RAB38: variants seen among roughly 807,000 people sequenced by gnomAD.
RAB38 encodes the protein ras-related protein Rab-38.
In RAB38, 15 loss-of-function variants were observed where a neutral mutation model predicts 18.4. The observed-to-expected ratio is 0.82, with a 90% CI of 0.55 to 1.26. The LOEUF is 1.26. RAB38 is among the 50% of genes most tolerant of loss of function. RAB38 has a pLI of 0.00. For missense variants in RAB38, 294 were observed against 267.4 expected, an observed-to-expected ratio of 1.10 and a Z score of -0.69; for synonymous variants, 101 against 104.4, an observed-to-expected ratio of 0.97 and a Z score of 0.20.
chr11:88,043,107 A>G, the RAB38 span, among the ~76,000 whole-genome samples: 1 of 152,188 alleles, frequency 6.6e-6, no homozygotes, highest in Non-Finnish European at 1.5e-5. Flanking sequence ...CTCTCTAAAG[A>G]GATCAGAAAT....
the RAB38 span, among the ~76,000 whole-genome samples, chr11:87,890,334 A>G: frequency 5.9e-5 from 9 of 151,886 alleles, no homozygotes; most frequent in Middle Eastern, 6.8e-3. Flanking sequence ...ATTACTTTCA[A>G]CCTCTGTTTC....
chr11:87,947,959 G>C, the RAB38 span, among the ~76,000 whole-genome samples: 1 of 152,120 alleles, frequency 6.6e-6, no homozygotes, highest in Admixed American at 6.5e-5. Flanking sequence ...GATGGGGATG[G>C]CAGTGAATCT....
chr11:87,833,282 T>TA, the RAB38 span, among the ~76,000 whole-genome samples: 1 of 152,196 alleles, frequency 6.6e-6, no homozygotes, highest in Non-Finnish European at 1.5e-5. Flanking sequence ...CAGGCTGAAG[T>TA]AACAATAACC....
the RAB38 span, among the ~76,000 whole-genome samples, chr11:87,976,653 AAT>A: frequency 0.53 from 55,182 of 104,938 alleles, 14,044 homozygotes; most frequent in East Asian, 0.66. Flanking sequence ...ATGATATATA[AAT>A]ATATATAATT....
chr11:88,025,306 T>C, the RAB38 span, among the ~76,000 whole-genome samples: 579 of 145,608 alleles, frequency 4.0e-3, 2 homozygotes, highest in African/African-American at 0.016. Flanking sequence ...CTTGATTACA[T>C]GTCTTTGCTA....
At chr11:88,011,246 T>G in the RAB38 span, among the ~76,000 whole-genome samples, 1 of 152,230 alleles carries the variant, frequency 6.6e-6, no homozygotes, top group South Asian at 2.1e-4. Flanking sequence ...TTAACAACTA[T>G]TTATTGAGCA....
chr11:87,977,872 T>C, the RAB38 span, among the ~76,000 whole-genome samples: 7 of 111,472 alleles, frequency 6.3e-5, no homozygotes, highest in Non-Finnish European at 1.0e-4. Flanking sequence ...CTTACAAATA[T>C]ATATAAAGAT....
the RAB38 span, among the ~76,000 whole-genome samples, chr11:87,893,371 C>CATATATATATATATGTATATAT: frequency 2.4e-3 from 209 of 86,406 alleles, no homozygotes; most frequent in African/African-American, 8.5e-3. Flanking sequence ...ATATATTTTA[C>CATATATATATATATGTATATAT]ATATATATAT....
intron 1 of RAB38, among the ~76,000 whole-genome samples, chr11:88,170,082 T>C (rs1345139010): frequency 6.6e-6 from 1 of 152,208 alleles, no homozygotes; most frequent in East Asian, 1.9e-4. Context: ...TGCTTTTCTA[T>C]CAGAATCAGT....
chr11:87,940,496 A>G, the RAB38 span, among the ~76,000 whole-genome samples: 7,076 of 152,142 alleles, frequency 0.047, 552 homozygotes, highest in African/African-American at 0.16. Flanking sequence ...ATGGAAATTG[A>G]TATGTGTCTG....
At chr11:87,938,672 G>GAAA in the RAB38 span, among the ~76,000 whole-genome samples, 509 of 118,220 alleles carry the variant, frequency 4.3e-3, 4 homozygotes, top group African/African-American at 0.016. Context: ...TTGTTTGCCA[G>GAAA]AAAAAAAAAA....
At chr11:88,006,823 GAA>G in the RAB38 span, among the ~76,000 whole-genome samples, 1 of 151,398 alleles carries the variant, frequency 6.6e-6, no homozygotes, top group Non-Finnish European at 1.5e-5. Flanking sequence ...GTAGAGAGTA[GAA>G]TAGTGGTTAT....
chr11:87,954,585 T>C, the RAB38 span, among the ~76,000 whole-genome samples: 3 of 151,838 alleles, frequency 2.0e-5, no homozygotes, highest in African/African-American at 7.3e-5. Flanking sequence ...ATCTGAACAA[T>C]TTTTCCTCAG....
At chr11:87,896,095 C>T in the RAB38 span, among the ~76,000 whole-genome samples, 9 of 151,680 alleles carry the variant, frequency 5.9e-5, no homozygotes, top group Non-Finnish European at 1.3e-4. Flanking sequence ...GAAGATACAG[C>T]AATGTATAAG....
chr11:88,095,846 C>T, the RAB38 span, among the ~76,000 whole-genome samples: 5 of 151,862 alleles, frequency 3.3e-5, no homozygotes, highest in African/African-American at 9.7e-5. Flanking sequence ...TTGGATTGCC[C>T]TTAATTCCTC....
chr11:87,962,810 T>C, the RAB38 span, among the ~76,000 whole-genome samples: 2 of 152,262 alleles, frequency 1.3e-5, no homozygotes, highest in South Asian at 2.1e-4. Flanking sequence ...ATTTTAGATG[T>C]TTTCACCATA....
chr11:87,916,374 C>T, the RAB38 span, among the ~76,000 whole-genome samples: 11 of 152,046 alleles, frequency 7.2e-5, no homozygotes, highest in African/African-American at 2.2e-4. Context: ...GGGTACAGTT[C>T]TTGTGGTAAT....
the RAB38 span, among the ~76,000 whole-genome samples, chr11:88,020,017 T>C: frequency 6.6e-6 from 1 of 152,190 alleles, no homozygotes; most frequent in Non-Finnish European, 1.5e-5. Flanking sequence ...TTAATGAGTA[T>C]ATATGAAATG....
intron 2 of RAB38, among the ~76,000 whole-genome samples, chr11:88,116,279 G>T (rs764883426): frequency 1.5e-4 from 23 of 152,258 alleles, no homozygotes; most frequent in Non-Finnish European, 2.1e-4. Flanking sequence ...GTAAAAAGGG[G>T]TCTCCTCGCC....
Sources: gnomAD v4.1 joint callset for allele counts (sites outside exome capture counted in the v4.1 genomes callset) on GRCh38, gnomAD v4.1.1 for gene constraint, MANE v1.5 for transcripts, NCBI Gene and HGNC (gene_info 2026-07-23, HGNC 2026-07-21) for gene names.